The following TUBGCP4 variants were observed in gnomAD, a reference collection of about 807,000 sequenced individuals.
TUBGCP4 encodes tubulin gamma complex component 4.
Under a neutral mutation model 91.6 loss-of-function variants are expected in TUBGCP4, and 54 were observed. The observed-to-expected ratio is 0.59, with a 90% CI of 0.47 to 0.74. TUBGCP4 has a LOEUF of 0.74. TUBGCP4 is among the 30% of genes least tolerant of loss of function. TUBGCP4 has a pLI of 0.00. For missense variants in TUBGCP4, 593 were observed against 800.9 expected (o/e 0.74, Z 3.13); for synonymous variants, 297 against 302.8 (o/e 0.98, Z 0.20).
In TUBGCP4 at chr15:43,371,330, CAGGGA is replaced by C. The variant is rs776240033; in HGVS notation, c.-24_-20del. 6.2e-7 allele frequency: 1 copy of C among 1,611,274 alleles called. No homozygotes were observed. Among genetic ancestry groups the C allele is most frequent in the Admixed American group, 1.7e-5 (1 of 59,696 alleles). ...GCGCTGGAGGAGGGGGTGACATAAC[CAGGGA>C]CTCGAGGTCCGCCGTGGGAATGATC... On this transcript the variant is annotated 5_prime_UTR_variant, in exon 1 of 18. Transcript: ENST00000564079.
At chr15:43,395,326 A>G (rs2044563138) in intron 10 of TUBGCP4, 169 bp downstream of exon 10, 3 of 762,492 alleles carry the variant, frequency 3.9e-6, no homozygotes, top group Non-Finnish European at 6.7e-6. Flanking sequence ...CTACGATAAT[A>G]CAAAGATTTG....
Position 43,377,086 on chromosome 15 carries a change from C to T in TUBGCP4, c.384+19C>T. 6.3e-7 allele frequency: 1 copy of T among 1,598,090 alleles called. No individual in the cohort carries two copies. The highest frequency in any genetic ancestry group is 1.1e-5 in the South Asian group (1 of 90,720). ...AGACCAGGTATGCTGCCCAAATAAC[C>T]AAATGCCTTGCAATCTGTTGATAGT... is the stretch of plus-strand genomic sequence containing the variant. On this transcript the variant is annotated intron_variant, in intron 4 of 17. Transcript: ENST00000564079.
chr15:43,384,079 T>C (rs952634408), intron 7 of TUBGCP4, among the ~76,000 whole-genome samples: 1 of 152,230 alleles, frequency 6.6e-6, no homozygotes. Flanking sequence ...CTGTAAGTGT[T>C]GGGATTACAG....
chr15:43,386,343 TCGTA>T lies in TUBGCP4; in HGVS notation c.1014+14_1014+17del, dbSNP rs1566894335. 1 of 451,866 alleles carries T rather than the reference TCGTA, an allele frequency of 2.2e-6. No homozygotes were observed. The allele number at this position is 451,866 out of a possible 1,614,324, so 28.0% of individuals were successfully genotyped here. On this transcript the variant is annotated intron_variant, in intron 9 of 17. Coordinates refer to ENST00000564079, the MANE Select transcript of TUBGCP4 (RefSeq NM_014444.5). ...CACTGTGGCTGAGGTTTGTGTTTCA[TCGTA>T]TATATATATATATATATATATATAT... is the stretch of plus-strand genomic sequence containing the variant.
Position 43,408,888 on chromosome 15 carries a change from A to G in TUBGCP4, c.*3674A>G, listed in dbSNP as rs1208378632. ...CCTATACAATTCTGGATGGGCTTCA[A>G]ATACTTACCAGTCCAGAATTCTTTG... On this transcript the variant is annotated 3_prime_UTR_variant, in exon 18 of 18. Coordinates refer to ENST00000564079, the MANE Select transcript of TUBGCP4 (RefSeq NM_014444.5). The G allele has an allele frequency of 1.2e-6, 2 of 1,613,996 alleles. No homozygotes were observed. The highest frequency in any genetic ancestry group is 2.2e-5 in the South Asian group (2 of 91,070).
intron 7 of TUBGCP4, among the ~76,000 whole-genome samples, chr15:43,384,494 A>G (rs2044327738): frequency 1.3e-5 from 2 of 152,192 alleles, no homozygotes; most frequent in African/African-American, 4.8e-5. Context: ...AGAAGGAATG[A>G]TATGTGTAAA....
chr15:43,385,644 AT>A (rs1457155972), intron 7 of TUBGCP4, 146 bp from the exon 8 acceptor site: 1 of 733,778 alleles, frequency 1.4e-6, no homozygotes, highest in African/African-American at 1.8e-5. Context: ...TCTCTCCAAA[AT>A]GGGTGGTTTG....
At position 43,405,229 on chromosome 15, in the gene TUBGCP4, T is replaced by C; in HGVS notation, c.*15T>C. The C allele has an allele frequency of 6.2e-7, 1 of 1,614,046 alleles. No individual in the cohort carries two copies. The highest frequency in any genetic ancestry group is 8.5e-7 in the Non-Finnish European group (1 of 1,179,912). ...TCGGGATGTGAAAATTTCTGGCTCATAAATTGAAATAACAGCCACGTTCCC... is the reference window on the plus strand; with the variant it reads ...TCGGGATGTGAAAATTTCTGGCTCACAAATTGAAATAACAGCCACGTTCCC... On this transcript the variant is annotated 3_prime_UTR_variant, in exon 18 of 18. Transcript: ENST00000564079.
chr15:43,404,225 A>G, intron 16 of TUBGCP4, 188 bp from the exon 17 acceptor site: 1 of 604,206 alleles, frequency 1.7e-6, no homozygotes, highest in South Asian at 2.4e-5. Context: ...TTTCATAGGA[A>G]GTCATGCATG....
rs1158610797 is a variant in TUBGCP4, at chr15:43,408,461, ACAGAGCAAGACTT to A, written c.*3250_*3262del. ...GCGCCACTGTACTCCAGCCTAGGTGACAGAGCAAGACTTCATCTTAAAAAACTAAGCCCTATAT... is the reference window on the plus strand; with the variant it reads ...GCGCCACTGTACTCCAGCCTAGGTGACATCTTAAAAAACTAAGCCCTATAT... On this transcript the variant is annotated 3_prime_UTR_variant, in exon 18 of 18. Coordinates refer to ENST00000564079, the MANE Select transcript of TUBGCP4 (RefSeq NM_014444.5). 6 of 257,082 alleles carry A rather than the reference ACAGAGCAAGACTT, an allele frequency of 2.3e-5. No homozygotes were observed. The highest frequency in any genetic ancestry group is 1.3e-4 in the African/African-American group (6 of 44,802). 15.9% of individuals were successfully genotyped at this position (257,082 alleles called of 1,614,324 possible).
chr15:43,386,752 CACTG>C (rs2044382443), intron 9 of TUBGCP4, among the ~76,000 whole-genome samples: 1 of 135,044 alleles, frequency 7.4e-6, no homozygotes, highest in Non-Finnish European at 1.6e-5. Context: ...AAAAAAAAGA[CACTG>C]AGTTACTTGA....
In TUBGCP4 at chr15:43,398,283, A is replaced by T. The variant is rs2012459; in HGVS notation, c.1418+104A>T. 0.014 allele frequency: 19,202 copies of T among 1,355,270 alleles called. 728 individuals are homozygous for T. Among genetic ancestry groups the T allele is most frequent in the African/African-American group, 0.11 (7,600 of 68,978 alleles). The allele number at this position is 1,355,270 out of a possible 1,614,324, so 84.0% of individuals were successfully genotyped here. A position where few individuals can be genotyped will look rare whatever the true frequency, so the allele number is the denominator to read the frequency against. The stretch of plus-strand genomic sequence containing the variant: ...GTGGGAAAGCAAGGTGTGGTGGCAC[A>T]CACCTGTAATCCCAGCTAGTCCAGA... On this transcript the variant is annotated intron_variant, in intron 13 of 17. Transcript: ENST00000564079.
At chr15:43,389,096 A>G (rs979802710) in intron 9 of TUBGCP4, among the ~76,000 whole-genome samples, 39 of 152,178 alleles carry the variant, frequency 2.6e-4, no homozygotes, top group African/African-American at 9.2e-4. Context: ...GGTGCTGGTA[A>G]TACAGGTGTT....
rs181546027 is a variant in TUBGCP4 at position 43,385,140 on chromosome 15, G to A, written c.724-651G>A. Among the ~76,000 whole-genome samples the A allele has an allele frequency of 3.3e-5, 5 of 152,296 alleles. No individual in the cohort carries two copies. In the East Asian group the frequency reaches 7.7e-4, roughly 24 times the overall value. The stretch of plus-strand genomic sequence containing the variant: ...TGAGTTTGAGGAACTTGTGGGAAAT[G>A]TTCAGTGGGCTGAGCCTGGGGCTCA... On this transcript the variant is annotated intron_variant, in intron 7 of 17. Coordinates refer to ENST00000564079, the MANE Select transcript of TUBGCP4 (RefSeq NM_014444.5).
At chr15:43,398,833 C>T (rs1313282228) in intron 13 of TUBGCP4, among the ~76,000 whole-genome samples, 1 of 152,190 alleles carries the variant, frequency 6.6e-6, no homozygotes, top group African/African-American at 2.4e-5. Context: ...CAACATTATA[C>T]TACTTTTATC....
At chr15:43,395,484 T>C (rs961702824) in intron 10 of TUBGCP4, 99 bp from the exon 11 acceptor site, 8 of 927,676 alleles carry the variant, frequency 8.6e-6, no homozygotes, top group African/African-American at 6.6e-5. Context: ...TGGGCTCAAA[T>C]TGATGAAATT....
intron 2 of TUBGCP4, 88 bp downstream of exon 2, chr15:43,376,314 C>G: frequency 6.2e-7 from 1 of 1,603,944 alleles, no homozygotes; most frequent in East Asian, 2.2e-5. Flanking sequence ...CTATGTCAAG[C>G]TTTCAGTGAA....
At chr15:43,390,016 G>A (rs2044440170) in intron 9 of TUBGCP4, among the ~76,000 whole-genome samples, 1 of 152,016 alleles carries the variant, frequency 6.6e-6, no homozygotes, top group Non-Finnish European at 1.5e-5. Flanking sequence ...CCTCCCACCG[G>A]GTTCCTCCCA....
chr15:43,409,718 T>C lies in TUBGCP4; in HGVS notation c.*4504T>C. 6.4e-7 allele frequency: 1 copy of C among 1,558,784 alleles called. No individual in the cohort carries two copies. Among genetic ancestry groups the C allele is most frequent in the Non-Finnish European group, 8.7e-7 (1 of 1,154,650 alleles). ...AGCTGGGATTCTGTATACTGCTTGT[T>C]GAAAGGAGGAATTTCCAAAAATTCT... On this transcript the variant is annotated 3_prime_UTR_variant, in exon 18 of 18. Coordinates refer to ENST00000564079, the MANE Select transcript of TUBGCP4 (RefSeq NM_014444.5).
Sources: gnomAD v4.1 joint callset for allele counts (sites outside exome capture counted in the v4.1 genomes callset) on GRCh38, gnomAD v4.1.1 for gene constraint, MANE v1.5 for transcripts, NCBI Gene and HGNC (gene_info 2026-07-23, HGNC 2026-07-21) for gene names.